The following ARK2C variants were observed in gnomAD, a reference collection of about 807,000 sequenced individuals.
ARK2C encodes arkadia (RNF111) C-terminal like ring finger ubiquitin ligase 2C, also known as E3 ubiquitin-protein ligase ARK2C.
the ARK2C span, among the ~76,000 whole-genome samples, chr18:46,359,803 T>C: frequency 6.6e-6 from 1 of 152,128 alleles, no homozygotes; most frequent in East Asian, 1.9e-4. Flanking sequence ...CTGCTAACTC[T>C]CCAGCCCTTG....
chr18:46,435,483 T>C, the ARK2C span: 9 of 1,053,080 alleles, frequency 8.5e-6, no homozygotes. Context: ...CTGTTTTCCT[T>C]CACTTTGAAT....
the ARK2C span, among the ~76,000 whole-genome samples, chr18:46,439,659 G>C: frequency 6.6e-6 from 1 of 152,028 alleles, no homozygotes; most frequent in Non-Finnish European, 1.5e-5. Context: ...GGTAAAACTT[G>C]GAGATAGTGG....
At chr18:46,380,133 C>T in the ARK2C span, among the ~76,000 whole-genome samples, 3 of 152,254 alleles carry the variant, frequency 2.0e-5, no homozygotes, top group Non-Finnish European at 4.4e-5. Context: ...CGAACCTCTG[C>T]CTTCTTCTCC....
the ARK2C span, among the ~76,000 whole-genome samples, chr18:46,423,568 T>G: frequency 6.6e-6 from 1 of 152,168 alleles, no homozygotes; most frequent in East Asian, 1.9e-4. Context: ...GCATACCACG[T>G]GGAGACGTGT....
chr18:46,387,342 G>A, the ARK2C span, among the ~76,000 whole-genome samples: 85 of 152,346 alleles, frequency 5.6e-4, no homozygotes, highest in African/African-American at 2.0e-3. Flanking sequence ...TGATTCCAGT[G>A]CAGAGCTTGG....
chr18:46,343,847 T>C, the ARK2C span, among the ~76,000 whole-genome samples: 1 of 152,236 alleles, frequency 6.6e-6, no homozygotes, highest in Non-Finnish European at 1.5e-5. Flanking sequence ...TGCCCCTGCC[T>C]GGCTAGTAGC....
At chr18:46,365,990 T>G in the ARK2C span, among the ~76,000 whole-genome samples, 1 of 151,682 alleles carries the variant, frequency 6.6e-6, no homozygotes, top group African/African-American at 2.4e-5. Context: ...CAAAGTGGGG[T>G]CTAATTAAGA....
the ARK2C span, among the ~76,000 whole-genome samples, chr18:46,418,844 C>T: frequency 6.6e-6 from 1 of 152,182 alleles, no homozygotes; most frequent in Non-Finnish European, 1.5e-5. Context: ...CTCAGTCTTG[C>T]CAAGTCATTC....
At chr18:46,415,481 G>A in the ARK2C span, among the ~76,000 whole-genome samples, 10 of 151,884 alleles carry the variant, frequency 6.6e-5, no homozygotes, top group South Asian at 2.1e-4. Flanking sequence ...AGCCGAGATC[G>A]TGCCACTGTA....
the ARK2C span, among the ~76,000 whole-genome samples, chr18:46,348,911 T>C: frequency 0.083 from 11,989 of 144,830 alleles, 853 homozygotes; most frequent in African/African-American, 0.21. Context: ...TGTGTGTGTG[T>C]GTGTGTGTGT....
the ARK2C span, among the ~76,000 whole-genome samples, chr18:46,365,418 T>G: frequency 6.6e-6 from 1 of 152,242 alleles, no homozygotes; most frequent in African/African-American, 2.4e-5. Context: ...TACCTATGTC[T>G]TCACAAGAAT....
the ARK2C span, among the ~76,000 whole-genome samples, chr18:46,366,590 C>T: frequency 8.5e-5 from 13 of 152,182 alleles, no homozygotes; most frequent in Admixed American, 2.6e-4. Context: ...ATTTCCAGAA[C>T]TTGTTCACAG....
At chr18:46,401,186 C>T in the ARK2C span, among the ~76,000 whole-genome samples, 1 of 152,060 alleles carries the variant, frequency 6.6e-6, no homozygotes, top group African/African-American at 2.4e-5. Flanking sequence ...CTCACAGCTG[C>T]TCCTCCCAGG....
the ARK2C span, among the ~76,000 whole-genome samples, chr18:46,387,699 C>T: frequency 6.6e-6 from 1 of 152,276 alleles, no homozygotes; most frequent in Non-Finnish European, 1.5e-5. Flanking sequence ...CCACAGATAG[C>T]TTCAGTTTGG....
chr18:46,348,202 G>A, the ARK2C span, among the ~76,000 whole-genome samples: 1 of 151,462 alleles, frequency 6.6e-6, no homozygotes, highest in Admixed American at 6.6e-5. Context: ...GGAAGGGGTG[G>A]GGTGAGGGCG....
At chr18:46,380,756 T>C in the ARK2C span, among the ~76,000 whole-genome samples, 1 of 152,172 alleles carries the variant, frequency 6.6e-6, no homozygotes, top group Non-Finnish European at 1.5e-5. Context: ...GTGAGTGGCC[T>C]GCTAGCTAAG....
chr18:46,380,539 C>T, the ARK2C span, among the ~76,000 whole-genome samples: 1 of 152,214 alleles, frequency 6.6e-6, no homozygotes, highest in Admixed American at 6.5e-5. Context: ...AACTCTGACC[C>T]AGGCGCTTGC....
the ARK2C span, chr18:46,433,590 G>C: frequency 2.5e-6 from 3 of 1,221,782 alleles, no homozygotes; most frequent in Non-Finnish European, 3.4e-6. Flanking sequence ...GCCAGGACGA[G>C]GGCGTGGCCC....
At chr18:46,377,652 A>G in the ARK2C span, among the ~76,000 whole-genome samples, 1 of 152,178 alleles carries the variant, frequency 6.6e-6, no homozygotes, top group African/African-American at 2.4e-5. Context: ...TATGAACCAA[A>G]TGTATGGGAG....
Sources: allele counts gnomAD v4.1 joint callset (sites outside exome capture counted in the v4.1 genomes callset), GRCh38; gene constraint gnomAD v4.1.1; transcripts MANE v1.5; gene names NCBI Gene and HGNC (gene_info 2026-07-23, HGNC 2026-07-21).